The following COBL variants were observed in gnomAD, a reference collection of about 807,000 sequenced individuals.
The protein encoded by COBL is cordon-bleu WH2 repeat protein.
A neutral mutation model predicts 98.8 loss-of-function variants in COBL; 51 were observed. The observed-to-expected ratio is 0.52, with a 90% CI of 0.41 to 0.65. The LOEUF is 0.65. Among genes scored for constraint, COBL ranks in the 30% least tolerant of loss-of-function variants. The pLI is 0.00. For synonymous variants in COBL, 634 were observed against 651.7 expected (o/e 0.97, Z 0.41); for missense variants, 1,617 against 1,617.5 (o/e 1.00, Z 0.01).
chr7:51,172,541 A>G (rs1439842338), intron 5 of COBL: 1 of 1,285,650 alleles, frequency 7.8e-7, no homozygotes, highest in Non-Finnish European at 1.0e-6. Context: ...CTGGAACACA[A>G]GCACCAGGCC....
intron 4 of COBL, among the ~76,000 whole-genome samples, chr7:51,187,310 G>GTCTATATATATA: frequency 7.2e-6 from 1 of 138,432 alleles, no homozygotes; most frequent in Non-Finnish European, 1.6e-5. Context: ...ATATGTTTAA[G>GTCTATATATATA]TATATATATA....
chr7:51,316,432 C>T, intron 1 of COBL, 161 bp downstream of exon 1: 1 of 453,294 alleles, frequency 2.2e-6, no homozygotes, highest in Non-Finnish European at 3.4e-6. Context: ...CACCCAACAC[C>T]AGCACCCAAC....
At chr7:51,152,416 T>C (rs900799033) in intron 5 of COBL, among the ~76,000 whole-genome samples, 1 of 152,212 alleles carries the variant, frequency 6.6e-6, no homozygotes, top group African/African-American at 2.4e-5. Context: ...CCCATCCTCC[T>C]AAGCCTCATG....
intron 6 of COBL, among the ~76,000 whole-genome samples, chr7:51,132,070 C>T (rs755750187): frequency 7.9e-5 from 12 of 152,188 alleles, no homozygotes; most frequent in African/African-American, 1.9e-4. Flanking sequence ...CCTGCTGCAG[C>T]GCCTTGGTGA....
chr7:51,080,146 G>A (rs1203400239), intron 7 of COBL, among the ~76,000 whole-genome samples: 2 of 152,304 alleles, frequency 1.3e-5, no homozygotes, highest in Admixed American at 1.3e-4. Flanking sequence ...GGTCAGGGAG[G>A]AGACAGGGGA....
At chr7:51,162,827 A>C (rs1262887743) in intron 5 of COBL, among the ~76,000 whole-genome samples, 1 of 152,262 alleles carries the variant, frequency 6.6e-6, no homozygotes, top group Non-Finnish European at 1.5e-5. Context: ...CGCCAGGCTA[A>C]GCCTCTGTGC....
chr7:51,264,578 G>A (rs922185676), intron 1 of COBL, among the ~76,000 whole-genome samples: 1 of 150,558 alleles, frequency 6.6e-6, no homozygotes, highest in African/African-American at 2.5e-5. Flanking sequence ...GGCTGAGGAA[G>A]GAGAATCGCT....
chr7:51,256,032 C>G (rs1187177536), intron 1 of COBL, among the ~76,000 whole-genome samples: 1 of 152,160 alleles, frequency 6.6e-6, no homozygotes, highest in Non-Finnish European at 1.5e-5. Context: ...TGTTCTAACA[C>G]ACCCATGCTT....
At chr7:51,066,576 T>C (rs559760651) in intron 7 of COBL, among the ~76,000 whole-genome samples, 1 of 152,270 alleles carries the variant, frequency 6.6e-6, no homozygotes, top group Non-Finnish European at 1.5e-5. Context: ...ATTTGTAAAA[T>C]GAGGATGATA....
intron 5 of COBL, among the ~76,000 whole-genome samples, chr7:51,153,178 TA>T (rs1235732781): frequency 1.3e-5 from 2 of 152,084 alleles, no homozygotes; most frequent in African/African-American, 2.4e-5. Flanking sequence ...GCTCATAGCA[TA>T]AAAAAAAGAT....
intron 7 of COBL, among the ~76,000 whole-genome samples, chr7:51,060,536 T>C (rs551200582): frequency 7.5e-6 from 1 of 133,994 alleles, no homozygotes; most frequent in Non-Finnish European, 1.6e-5. Context: ...GAGGTAGCAG[T>C]ACCTTAGAGG....
intron 2 of COBL, among the ~76,000 whole-genome samples, chr7:51,206,669 T>C (rs1308699738): frequency 2.0e-5 from 3 of 152,236 alleles, no homozygotes; most frequent in Non-Finnish European, 2.9e-5. Context: ...TGGTTACGTA[T>C]ATACAATGAA....
At chr7:51,142,085 C>T (rs558033827) in intron 5 of COBL, among the ~76,000 whole-genome samples, 6 of 152,284 alleles carry the variant, frequency 3.9e-5, no homozygotes, top group African/African-American at 1.4e-4. Context: ...AACCATGAAG[C>T]ATGCCAGCTT....
chr7:51,114,703 A>G (rs1305549554), intron 6 of COBL, among the ~76,000 whole-genome samples: 1 of 152,098 alleles, frequency 6.6e-6, no homozygotes, highest in East Asian at 1.9e-4. Context: ...AGTTCCTCCT[A>G]AGCATTTATT....
intron 5 of COBL, among the ~76,000 whole-genome samples, chr7:51,182,509 T>A (rs1375576811): frequency 6.6e-6 from 1 of 152,078 alleles, no homozygotes; most frequent in East Asian, 1.9e-4. Flanking sequence ...CTCGAACTCC[T>A]GACCTCAGGT....
At chr7:51,224,365 A>T (rs1347515729) in intron 1 of COBL, among the ~76,000 whole-genome samples, 2 of 52,556 alleles carry the variant, frequency 3.8e-5, no homozygotes, top group Admixed American at 2.5e-4. Flanking sequence ...GATAGGAATG[A>T]AAAAGAGATT....
intron 5 of COBL, among the ~76,000 whole-genome samples, chr7:51,150,102 C>A (rs538597711): frequency 3.0e-4 from 45 of 152,220 alleles, no homozygotes; most frequent in Admixed American, 1.1e-3. Flanking sequence ...AACACACACA[C>A]AAAAAACACT....
At chr7:51,283,016 G>A (rs1799942892) in intron 1 of COBL, among the ~76,000 whole-genome samples, 1 of 152,134 alleles carries the variant, frequency 6.6e-6, no homozygotes, top group Admixed American at 6.5e-5. Flanking sequence ...CTGGTGGGAT[G>A]ATGATAAAGA....
At chr7:51,240,765 A>C (rs1795718046) in intron 1 of COBL, among the ~76,000 whole-genome samples, 1 of 151,644 alleles carries the variant, frequency 6.6e-6, no homozygotes, top group Non-Finnish European at 1.5e-5. Context: ...CTGGTCTTGA[A>C]CTCCTGACCT....
Sources: allele counts gnomAD v4.1 joint callset (sites outside exome capture counted in the v4.1 genomes callset), GRCh38; gene constraint gnomAD v4.1.1; transcripts MANE v1.5; gene names NCBI Gene and HGNC (gene_info 2026-07-23, HGNC 2026-07-21).